The following ZNF536 variants were observed in gnomAD, a reference collection of about 807,000 sequenced individuals.
The protein encoded by ZNF536 is zinc finger protein 536.
Under a neutral mutation model 84.5 loss-of-function variants are expected in ZNF536, and 13 were observed. The ratio of observed to expected loss-of-function variants is 0.15; its 90% CI spans 0.10 to 0.24. The LOEUF (loss-of-function observed/expected upper bound fraction) is 0.24. Among genes scored for constraint, ZNF536 ranks in the 10% least tolerant of loss-of-function variants. The pLI, the probability that ZNF536 is intolerant of heterozygous loss-of-function variation, is 1.00. For synonymous variants in ZNF536, 811 were observed against 742.5 expected, an observed-to-expected ratio of 1.09 and a Z score of -1.50; for missense variants, 1,536 against 1,747.5, an observed-to-expected ratio of 0.88 and a Z score of 2.16.
intron 1 of ZNF536, among the ~76,000 whole-genome samples, chr19:30,255,924 T>C (rs1003973760): frequency 1.3e-5 from 2 of 152,144 alleles, no homozygotes; most frequent in Admixed American, 6.5e-5. Context: ...ACTGCTGCAG[T>C]GCTCAGGGGT....
chr19:30,286,512 G>GAGAGAC (rs1165385864), intron 2 of ZNF536, among the ~76,000 whole-genome samples: 1 of 147,238 alleles, frequency 6.8e-6, no homozygotes, highest in East Asian at 2.2e-4. Context: ...GACAGAGAAA[G>GAGAGAC]AGAGACAGAG....
chr19:30,417,914 A>ATT (rs200132704), intron 1 of ZNF536, among the ~76,000 whole-genome samples: 2 of 151,086 alleles, frequency 1.3e-5, no homozygotes, highest in Non-Finnish European at 2.9e-5. Context: ...ATGCCCAGCA[A>ATT]TTTTTTTTTC....
intron 1 of ZNF536, among the ~76,000 whole-genome samples, chr19:30,434,621 G>A (rs2051626630): frequency 6.6e-6 from 1 of 152,212 alleles, no homozygotes. Flanking sequence ...GCTAACATGA[G>A]ACAATGACTG....
At chr19:30,318,726 C>T (rs973714299) in intron 2 of ZNF536, among the ~76,000 whole-genome samples, 2 of 152,186 alleles carry the variant, frequency 1.3e-5, no homozygotes, top group Admixed American at 6.5e-5. Context: ...ATATGTCTCT[C>T]TTCTCTTAGG....
intron 2 of ZNF536, among the ~76,000 whole-genome samples, chr19:30,312,192 C>T (rs1052597995): frequency 3.3e-5 from 5 of 152,062 alleles, no homozygotes; most frequent in African/African-American, 1.2e-4. Context: ...TGGAGAGAGG[C>T]GGTGCATGAG....
At chr19:30,600,364 G>T (rs2047642101) in intron 1 of ZNF536, among the ~76,000 whole-genome samples, 1 of 152,128 alleles carries the variant, frequency 6.6e-6, no homozygotes, top group Non-Finnish European at 1.5e-5. Flanking sequence ...AAAGTGCTGA[G>T]ATTACAGGCG....
intron 3 of ZNF536, among the ~76,000 whole-genome samples, chr19:30,538,936 A>G (rs750610482): frequency 2.6e-5 from 4 of 152,128 alleles, no homozygotes; most frequent in African/African-American, 9.7e-5. Flanking sequence ...GGCCAGGCAC[A>G]GTGGCTCATA....
At chr19:30,290,853 C>T (rs1055471285) in intron 2 of ZNF536, among the ~76,000 whole-genome samples, 1 of 152,126 alleles carries the variant, frequency 6.6e-6, no homozygotes, top group Non-Finnish European at 1.5e-5. Context: ...CCCCACCCAC[C>T]AACAGGCCCT....
intron 1 of ZNF536, among the ~76,000 whole-genome samples, chr19:30,624,327 T>G (rs2147171177): frequency 6.6e-6 from 1 of 152,268 alleles, no homozygotes; most frequent in East Asian, 1.9e-4. Context: ...TGTGCCTGTT[T>G]CTGGAATCTA....
chr19:30,509,835 G>A (rs796854558), intron 2 of ZNF536, among the ~76,000 whole-genome samples: 3 of 152,326 alleles, frequency 2.0e-5, no homozygotes, highest in African/African-American at 7.2e-5. Flanking sequence ...CTTCATCAGG[G>A]GAAGAAGCAG....
intron 1 of ZNF536, among the ~76,000 whole-genome samples, chr19:30,598,958 T>TTCCTCCTG (rs2047565107): frequency 5.8e-5 from 1 of 17,190 alleles, no homozygotes. Flanking sequence ...TCTTCCTTCC[T>TTCCTCCTG]TCCTCCTTCC....
At chr19:30,447,364 GC>G (rs755475518) in intron 2 of ZNF536, among the ~76,000 whole-genome samples, 63 of 152,182 alleles carry the variant, frequency 4.1e-4, no homozygotes, top group Non-Finnish European at 8.5e-4. Context: ...GTGGGACTCT[GC>G]CGGCTTATTA....
intron 1 of ZNF536, among the ~76,000 whole-genome samples, chr19:30,696,219 C>G (rs1389084510): frequency 2.6e-5 from 4 of 152,152 alleles, no homozygotes; most frequent in Non-Finnish European, 5.9e-5. Context: ...CACCTCTCCC[C>G]CAGCCCCCGC....
intron 1 of ZNF536, among the ~76,000 whole-genome samples, chr19:30,597,877 ATTG>A (rs10599058): frequency 0.044 from 6,674 of 151,866 alleles, 506 homozygotes; most frequent in African/African-American, 0.15. Flanking sequence ...TGATATGTGT[ATTG>A]TTGTTGTGTA....
At chr19:30,336,580 T>C (rs2047391104) in intron 2 of ZNF536, among the ~76,000 whole-genome samples, 1 of 152,012 alleles carries the variant, frequency 6.6e-6, no homozygotes, top group Admixed American at 6.6e-5. Context: ...GGCTGGCACT[T>C]GGAGGCAGAG....
intron 1 of ZNF536, among the ~76,000 whole-genome samples, chr19:30,417,490 T>C (rs956485214): frequency 6.6e-6 from 1 of 152,204 alleles, no homozygotes; most frequent in Non-Finnish European, 1.5e-5. Flanking sequence ...TACAATCCAC[T>C]GCAAATGTTA....
chr19:30,433,454 T>C lies in ZNF536; in HGVS notation c.-2-10107T>C, dbSNP rs370854983. On this transcript the variant is annotated intron_variant, in intron 1 of 4. Coordinates refer to ENST00000355537, the MANE Select transcript of ZNF536 (RefSeq NM_014717.3). ...ATCAAAAGATGCCAGTCCCACTATA[T>C]AGATCCTCTGATAAGACTGACAACA... Among the ~76,000 whole-genome samples, 3 of 152,358 alleles carry C rather than the reference T, an allele frequency of 2.0e-5. No homozygotes were observed. The South Asian group carries it at 6.2e-4, about 32-fold the overall frequency.
intron 2 of ZNF536, among the ~76,000 whole-genome samples, chr19:30,482,416 G>T (rs544048776): frequency 6.6e-6 from 1 of 152,260 alleles, no homozygotes; most frequent in Non-Finnish European, 1.5e-5. Context: ...GATTTGAGCC[G>T]GTCTGTTTTA....
At chr19:30,332,767 G>A (rs1172559370) in intron 2 of ZNF536, among the ~76,000 whole-genome samples, 1 of 152,194 alleles carries the variant, frequency 6.6e-6, no homozygotes, top group Admixed American at 6.5e-5. Context: ...TACGATGCCT[G>A]ATTCATAAAA....
Sources: allele counts gnomAD v4.1 joint callset (sites outside exome capture counted in the v4.1 genomes callset), GRCh38; gene constraint gnomAD v4.1.1; transcripts MANE v1.5; gene names NCBI Gene and HGNC (gene_info 2026-07-23, HGNC 2026-07-21).